The following LIAS variants were observed in gnomAD, a reference collection of about 807,000 sequenced individuals.
LIAS encodes lipoic acid synthetase.
A neutral mutation model predicts 49.4 loss-of-function variants in LIAS; 36 were observed. That is an observed-to-expected ratio of 0.73 (90% confidence interval 0.56 to 0.96). LIAS has a LOEUF of 0.96. LIAS is among the 40% of genes least tolerant of loss of function. LIAS has a pLI of 0.00. For synonymous variants in LIAS, 145 were observed against 155.8 expected, an observed-to-expected ratio of 0.93 and a Z score of 0.52; for missense variants, 399 against 456.3, an observed-to-expected ratio of 0.87 and a Z score of 1.14.
rs140159831 is a variant in LIAS at position 39,468,502 on chromosome 4, A to AAAAAT, written c.737+857_737+858insAAATA. ...ATCTAGAAAGAGAAAGGAAAAAAAA[A>AAAAAT]ATATATATATATATATATATTTTTT... On this transcript the variant is annotated intron_variant, in intron 7 of 10. Coordinates refer to ENST00000640888, the MANE Select transcript of LIAS (RefSeq NM_006859.4). 1.4e-3 allele frequency: 174 copies of AAAAAT among 125,136 alleles called. No individual in the cohort carries two copies. In the East Asian group the frequency reaches 0.017, roughly 12 times the overall value. 7.8% of individuals were successfully genotyped at this position (125,136 alleles called of 1,614,324 possible).
intron 1 of LIAS, among the ~76,000 whole-genome samples, chr4:39,460,124 A>G (rs62307974): frequency 0.15 from 22,510 of 152,270 alleles, 2,076 homozygotes; most frequent in Middle Eastern, 0.22. Flanking sequence ...AGTCAGGACC[A>G]GAACAGTTTT....
rs748579554 is a variant in LIAS, at chr4:39,465,238, C to T, written c.550+36C>T. ...CATCATGGCCTCTACCAGAAACTGG[C>T]TCTAAATGATGACATCATCCTGAGC... is the stretch of plus-strand genomic sequence containing the variant. On this transcript the variant is annotated intron_variant, in intron 5 of 10. Coordinates refer to ENST00000640888, the MANE Select transcript of LIAS (RefSeq NM_006859.4). 6 of 1,612,162 alleles carry T rather than the reference C, an allele frequency of 3.7e-6. 1 individual carries two copies. The South Asian group carries it at 6.6e-5, about 18-fold the overall frequency.
chr4:39,471,292 A>G lies in LIAS; in HGVS notation c.940A>G (p.Arg314Gly). ...LTLGQYMQPT[R>G]RHLKVEEYIT... ...TTTAGGACAATATATGCAGCCAACA[A>G]GGCGTCACCTTAAGGTACATGTATC... The change falls in exon 9 of 11, where the codon AGG (arginine) becomes GGG (glycine). Residue 314 changes from arginine (R) to glycine (G), a missense_variant. Transcript: ENST00000640888. 6.2e-7 allele frequency: 1 copy of G among 1,609,544 alleles called. No homozygotes were observed.
At chr4:39,460,495 C>CT (rs1050434202) in intron 1 of LIAS, among the ~76,000 whole-genome samples, 1 of 141,164 alleles carries the variant, frequency 7.1e-6, no homozygotes, top group African/African-American at 2.7e-5. Flanking sequence ...GATTGCGCCA[C>CT]TGCACTCCAG....
intron 4 of LIAS, 174 bp downstream of exon 4, chr4:39,463,779 A>C: frequency 1.0e-4 from 125 of 1,238,016 alleles, no homozygotes; most frequent in Non-Finnish European, 1.1e-4. Context: ...TTGTAATCTC[A>C]CCCTTCTCTG....
At chr4:39,461,671 G>GTTACACTCCATTA (rs1333118413) in intron 2 of LIAS, among the ~76,000 whole-genome samples, 2 of 152,236 alleles carry the variant, frequency 1.3e-5, no homozygotes, top group Admixed American at 1.3e-4. Flanking sequence ...ATAGCGCCCT[G>GTTACACTCCATTA]TTACACTCCA....
Position 39,462,247 on chromosome 4 carries a change from C to A in LIAS, c.270C>A (p.Tyr90Ter). The stretch of plus-strand genomic sequence containing the variant: ...CAGAGATTCCCATGGGGAAAAATTA[C>A]AATAAACTGAAAAATACTTTGCGGA... ...LKTEIPMGKNYNKLKNTLRNL... is the reference protein window; with the variant it reads ...LKTEIPMGKN Residue 90 changes from tyrosine to a stop codon, truncating the protein, a stop_gained, in exon 3 of 11, where the codon TAC (tyrosine) becomes TAA (stop). Transcript: ENST00000640888. LOFTEE classifies it high-confidence loss of function. The A allele has an allele frequency of 6.4e-7, 1 of 1,567,676 alleles. No individual in the cohort carries two copies. Among genetic ancestry groups the A allele is most frequent in the Non-Finnish European group, 8.6e-7 (1 of 1,159,752 alleles).
Position 39,473,231 on chromosome 4 carries a change from A to G in LIAS, c.1066+20A>G, listed in dbSNP as rs748825373. 4.2e-5 allele frequency: 61 copies of G among 1,468,240 alleles called. No homozygotes were observed. The highest frequency in any genetic ancestry group is 5.4e-5 in the Non-Finnish European group (57 of 1,047,296). 91.0% of individuals were successfully genotyped at this position (1,468,240 alleles called of 1,614,324 possible). On this transcript the variant is annotated intron_variant, in intron 10 of 10. Coordinates refer to ENST00000640888, the MANE Select transcript of LIAS (RefSeq NM_006859.4). ...AAGCAGGTAAGTTAGATTGTGGGGCATGGTTTCATTTAGGCCGTTAACTTT... is the reference window on the plus strand; with the variant it reads ...AAGCAGGTAAGTTAGATTGTGGGGCGTGGTTTCATTTAGGCCGTTAACTTT...
rs1419313623 is a variant in LIAS at position 39,471,251 on chromosome 4, A to C, written c.899A>C (p.Asp300Ala). The change falls in exon 9 of 11, where the codon GAT (aspartate) becomes GCT (alanine). Residue 300 changes from aspartate to alanine, a missense_variant. This residue lies in a region of LIAS where 234 missense variants were observed against 292.2 expected (regional missense o/e 0.80). Coordinates refer to ENST00000640888, the MANE Select transcript of LIAS (RefSeq NM_006859.4). ...YATMKALREA[D>A]VDCLTLGQYM... The stretch of plus-strand genomic sequence containing the variant: ...CTTCCTACAGCACTTCGTGAGGCAG[A>C]TGTAGACTGCTTGACTTTAGGACAA... 6.2e-7 allele frequency: 1 copy of C among 1,610,808 alleles called. No individual in the cohort carries two copies. The highest frequency in any genetic ancestry group is 8.5e-7 in the Non-Finnish European group (1 of 1,177,962).
intron 7 of LIAS, chr4:39,469,525 ACTTAAAAACATGAT>A (rs1744899297): frequency 6.6e-6 from 1 of 152,602 alleles, no homozygotes; most frequent in Admixed American, 6.5e-5. Flanking sequence ...CCCTGGTTTC[ACTTAAAAACATGAT>A]CCTTTCCAGT....
intron 3 of LIAS, 78 bp downstream of exon 3, chr4:39,462,367 T>A (rs903922731): frequency 4.5e-5 from 20 of 439,622 alleles, no homozygotes; most frequent in African/African-American, 3.8e-4. Context: ...AAATTATTAA[T>A]AAATATATAA....
chr4:39,459,230 C>G (rs1744310083), intron 1 of LIAS, 68 bp downstream of exon 1: 2 of 1,438,504 alleles, frequency 1.4e-6, no homozygotes, highest in South Asian at 2.4e-5. Flanking sequence ...GCGCCCATGC[C>G]CAATAATAAA....
Position 39,471,220 on chromosome 4 carries a change from G to T in LIAS, c.884-16G>T. 6.3e-7 allele frequency: 1 copy of T among 1,589,928 alleles called. No homozygotes were observed. Among genetic ancestry groups the T allele is most frequent in the Non-Finnish European group, 8.6e-7 (1 of 1,161,204 alleles). On this transcript the variant is annotated splice_polypyrimidine_tract_variant and intron_variant, in intron 8 of 10. Coordinates refer to ENST00000640888, the MANE Select transcript of LIAS (RefSeq NM_006859.4). ...TAAAGTATTTGCTAATGTAATTTGTGCTTTTCTTCCTACAGCACTTCGTGA... is the reference window on the plus strand; with the variant it reads ...TAAAGTATTTGCTAATGTAATTTGTTCTTTTCTTCCTACAGCACTTCGTGA...
At chr4:39,475,382 A>AAAATAAATAAATAAAT (rs10654129) in intron 10 of LIAS, 1 of 149,786 alleles carries the variant, frequency 6.7e-6, no homozygotes, top group Admixed American at 6.7e-5. Flanking sequence ...CTCTGTCTCA[A>AAAATAAATAAATAAAT]AAATAAATAA....
chr4:39,463,806 G>A, intron 4 of LIAS: 1 of 1,101,612 alleles, frequency 9.1e-7, no homozygotes, highest in Non-Finnish European at 1.2e-6. Flanking sequence ...TCTATTATTG[G>A]TTCTTTCATT....
At chr4:39,473,330 C>T (rs1007592827) in intron 10 of LIAS, 119 bp downstream of exon 10, 18 of 616,766 alleles carry the variant, frequency 2.9e-5, no homozygotes, top group South Asian at 6.5e-5. Flanking sequence ...TGGTAGAGGG[C>T]GTAGTTTTTC....
Position 39,477,134 on chromosome 4 carries a change from A to G in LIAS, c.*19A>G. 1 of 1,580,040 alleles carries G rather than the reference A, an allele frequency of 6.3e-7. No homozygotes were observed. Among genetic ancestry groups the G allele is most frequent in the Non-Finnish European group, 8.6e-7 (1 of 1,160,900 alleles). The stretch of plus-strand genomic sequence containing the variant: ...CCTCTAAAACTTCAACAAGACCTTC[A>G]AGATCACAGAAATTTTTAAAATTTG... On this transcript the variant is annotated 3_prime_UTR_variant, in exon 11 of 11. Transcript: ENST00000640888.
intron 2 of LIAS, among the ~76,000 whole-genome samples, chr4:39,461,288 TCTC>T (rs1744487362): frequency 6.6e-6 from 1 of 152,218 alleles, no homozygotes; most frequent in Non-Finnish European, 1.5e-5. Flanking sequence ...AACTTGTGCT[TCTC>T]CTAGTCAATT....
chr4:39,461,008 T>C, intron 2 of LIAS, 46 bp downstream of exon 2: 3 of 1,483,726 alleles, frequency 2.0e-6, no homozygotes, highest in Non-Finnish European at 2.7e-6. Flanking sequence ...TCCTTTATTG[T>C]GCATTATTTT....
Sources: gnomAD v4.1 joint callset for allele counts (sites outside exome capture counted in the v4.1 genomes callset) on GRCh38, gnomAD v4.1.1 for gene constraint, gnomAD v4.1.1 regional missense constraint, MANE v1.5 for transcripts, NCBI Gene and HGNC (gene_info 2026-07-23, HGNC 2026-07-21) for gene names.